HDAC9: variants seen among roughly 807,000 people sequenced by gnomAD.
HDAC9 encodes MEF-2 interacting transcription repressor (MITR) protein.
A neutral mutation model predicts 139.4 loss-of-function variants in HDAC9; 41 were observed. The ratio of observed to expected loss-of-function variants is 0.29; its 90% CI spans 0.23 to 0.38. The LOEUF is 0.38. Ranked by LOEUF, HDAC9 falls within the 10% of genes least tolerant of loss-of-function variation. The probability of loss-of-function intolerance (pLI) is 1.00; values close to 1 mark genes in which losing one functional copy is unlikely to be tolerated. For synonymous variants in HDAC9, 517 were observed against 476.2 expected (o/e 1.09, Z -1.12); for missense variants, 1,147 against 1,297.0 (o/e 0.88, Z 1.78).
chr7:18,629,502 C>T (rs1398910949), intron 7 of HDAC9, 21 bp downstream of exon 7: 1 of 1,600,734 alleles, frequency 6.2e-7, no homozygotes, highest in Non-Finnish European at 8.5e-7. Flanking sequence ...ACTGGGCAGA[C>T]CTATGAATGC....
At chr7:18,904,580 T>C (rs1042803894) in intron 22 of HDAC9, among the ~76,000 whole-genome samples, 103 of 140,428 alleles carry the variant, frequency 7.3e-4, no homozygotes, top group African/African-American at 2.6e-3. Flanking sequence ...TTCTTTTTTT[T>C]TTTTTTTTTT....
At chr7:18,968,072 G>T in intron 24 of HDAC9, among the ~76,000 whole-genome samples, 1 of 152,268 alleles carries the variant, frequency 6.6e-6, no homozygotes, top group Admixed American at 6.5e-5. Flanking sequence ...CGAGGCAAGA[G>T]AATCGCTTGA....
intron 6 of HDAC9, among the ~76,000 whole-genome samples, chr7:18,621,494 G>T (rs1407842082): frequency 4.6e-5 from 7 of 152,018 alleles, no homozygotes. Flanking sequence ...TGGTATATTT[G>T]CAATAAGAGA....
At chr7:18,417,382 T>G (rs766196046) in intron 1 of HDAC9, among the ~76,000 whole-genome samples, 25 of 152,200 alleles carry the variant, frequency 1.6e-4, no homozygotes, top group Non-Finnish European at 3.4e-4. Context: ...TCTGTTTCAG[T>G]GCTGGATCAT....
chr7:18,883,944 C>CT (rs1240674939), intron 22 of HDAC9, among the ~76,000 whole-genome samples: 1 of 151,896 alleles, frequency 6.6e-6, no homozygotes, highest in Non-Finnish European at 1.5e-5. Context: ...TGTACAATAG[C>CT]TACAAAAAGG....
At chr7:18,207,145 C>A (rs1791580753) in intron 2 of HDAC9, among the ~76,000 whole-genome samples, 1 of 151,694 alleles carries the variant, frequency 6.6e-6, no homozygotes, top group African/African-American at 2.4e-5. Context: ...GCCATGTTGC[C>A]CAGGGTGGTC....
chr7:18,225,327 GT>G (rs1792981886), intron 2 of HDAC9, among the ~76,000 whole-genome samples: 1 of 152,118 alleles, frequency 6.6e-6, no homozygotes, highest in Non-Finnish European at 1.5e-5. Context: ...TAAATTTGGA[GT>G]TTTCAAAACC....
At chr7:18,255,155 G>A (rs994503418) in intron 2 of HDAC9, among the ~76,000 whole-genome samples, 4 of 152,124 alleles carry the variant, frequency 2.6e-5, no homozygotes, top group Non-Finnish European at 4.4e-5. Flanking sequence ...GTAGTAGGGA[G>A]CCCAGTAGGT....
intron 22 of HDAC9, among the ~76,000 whole-genome samples, chr7:18,904,075 C>G (rs1042599187): frequency 6.6e-6 from 1 of 152,100 alleles, no homozygotes; most frequent in African/African-American, 2.4e-5. Flanking sequence ...CCCCAAACAC[C>G]CAACAATTGG....
At chr7:18,840,754 G>A (rs1277312952) in intron 21 of HDAC9, among the ~76,000 whole-genome samples, 1 of 151,970 alleles carries the variant, frequency 6.6e-6, no homozygotes, top group Non-Finnish European at 1.5e-5. Context: ...TTACTTTAAT[G>A]ACATAAGCAA....
Position 18,510,948 on chromosome 7 carries a change from A to G in HDAC9, c.22+14624A>G, listed in dbSNP as rs1415552663. On this transcript the variant is annotated intron_variant, in intron 2 of 25. Coordinates refer to ENST00000686413, the MANE Select transcript of HDAC9 (RefSeq NM_178425.4). The stretch of plus-strand genomic sequence containing the variant: ...CATAAATTAGGATAAGGGCATTAAG[A>G]CTTAGAAAATTAATTGAGTTCGTTG... Among the ~76,000 whole-genome samples, 5 of 152,184 alleles carry G rather than the reference A, an allele frequency of 3.3e-5. No individual in the cohort carries two copies. The South Asian group carries it at 1.0e-3, about 32-fold the overall frequency.
intron 6 of HDAC9, among the ~76,000 whole-genome samples, chr7:18,628,682 A>T (rs905994153): frequency 6.6e-6 from 1 of 152,186 alleles, no homozygotes; most frequent in Admixed American, 6.6e-5. Flanking sequence ...TGGAATATAT[A>T]ACCTAACTCA....
In HDAC9 at chr7:18,412,980, AG is replaced by A. The variant is rs1228217291; in HGVS notation, c.-41-83280del. 6.6e-5 allele frequency among the ~76,000 whole-genome samples: 10 copies of A among 152,344 alleles called. No homozygotes were observed. In the South Asian group the frequency reaches 1.9e-3, roughly 28 times the overall value. On this transcript the variant is annotated intron_variant, in intron 1 of 3. Coordinates refer to the HDAC9 transcript ENST00000413509. ...CTACATTAGAAACAAGTGCCAGTCA[AG>A]GTTTTAAAATATGTCCATCTTTAGA...
intron 11 of HDAC9, among the ~76,000 whole-genome samples, chr7:18,653,610 A>G (rs1225037665): frequency 3.3e-5 from 5 of 152,118 alleles, no homozygotes; most frequent in Non-Finnish European, 7.4e-5. Flanking sequence ...CATGAGTGCT[A>G]TTTTATCATA....
At chr7:18,593,562 G>C (rs1831594462) in intron 5 of HDAC9, among the ~76,000 whole-genome samples, 1 of 152,118 alleles carries the variant, frequency 6.6e-6, no homozygotes, top group Non-Finnish European at 1.5e-5. Flanking sequence ...CTGTTGACTA[G>C]AAAGGATTGA....
intron 15 of HDAC9, among the ~76,000 whole-genome samples, 198 bp downstream of exon 15, chr7:18,762,475 A>AGGTTCG (rs1215682379): frequency 7.6e-6 from 1 of 131,570 alleles, no homozygotes; most frequent in Non-Finnish European, 1.6e-5. Context: ...ATGACAATGT[A>AGGTTCG]GGTTCCATGG....
At chr7:18,422,731 GACAC>G (rs935093406) in intron 1 of HDAC9, among the ~76,000 whole-genome samples, 3 of 99,524 alleles carry the variant, frequency 3.0e-5, no homozygotes, top group South Asian at 4.0e-4. Flanking sequence ...TTAGCTTTAA[GACAC>G]ACACACGCGC....
chr7:18,629,713 C>A (rs765519605), intron 7 of HDAC9, among the ~76,000 whole-genome samples: 1 of 152,074 alleles, frequency 6.6e-6, no homozygotes, highest in African/African-American at 2.4e-5. Context: ...CAAGGCATAA[C>A]TAGGGAACAC....
chr7:18,524,456 A>C (rs1160881215), intron 2 of HDAC9, among the ~76,000 whole-genome samples: 2 of 152,044 alleles, frequency 1.3e-5, no homozygotes, highest in Non-Finnish European at 2.9e-5. Context: ...AGGGGTGCTC[A>C]CTCTCTGCTA....
Sources: gnomAD v4.1 joint callset for allele counts (sites outside exome capture counted in the v4.1 genomes callset) on GRCh38, gnomAD v4.1.1 for gene constraint, MANE v1.5 for transcripts, NCBI Gene and HGNC (gene_info 2026-07-23, HGNC 2026-07-21) for gene names.